KCNH7: variants seen among roughly 807,000 people sequenced by gnomAD.
KCNH7 encodes potassium voltage-gated channel subfamily H member 7.
In KCNH7, 49 loss-of-function variants were observed where a neutral mutation model predicts 120.8. That is an observed-to-expected ratio of 0.41 (90% CI 0.32 to 0.51). The LOEUF is 0.51. Among genes scored for constraint, KCNH7 ranks in the 20% least tolerant of loss-of-function variants. The probability of loss-of-function intolerance (pLI) is 0.38; values close to 1 mark genes in which losing one functional copy is unlikely to be tolerated. For synonymous variants in KCNH7, 547 were observed against 516.1 expected (o/e 1.06, Z -0.81); for missense variants, 1,097 against 1,446.6 (o/e 0.76, Z 3.92).
intron 2 of KCNH7, among the ~76,000 whole-genome samples, chr2:162,824,038 T>G (rs1025874476): frequency 6.6e-6 from 1 of 152,148 alleles, no homozygotes; most frequent in Non-Finnish European, 1.5e-5. Flanking sequence ...AAATCACGAA[T>G]GATATTATAA....
Position 162,838,647 on chromosome 2 carries a change from A to T in KCNH7, c.-129T>A. 1 of 672,464 alleles carries T rather than the reference A, an allele frequency of 1.5e-6. No homozygotes were observed. The highest frequency in any genetic ancestry group is 2.5e-6 in the Non-Finnish European group (1 of 394,988). The allele number at this position is 672,464 out of a possible 1,614,324, so 41.7% of individuals were successfully genotyped here. On this transcript the variant is annotated 5_prime_UTR_variant, in exon 1 of 16. Coordinates refer to ENST00000332142, the MANE Select transcript of KCNH7 (RefSeq NM_033272.4). ...CAGAGCATCCTCTTTTGAAACCAGA[A>T]TTCTCTTCCCATTAGCACCACTTCT...
chr2:162,574,913 C>T (rs908243530), intron 2 of KCNH7, among the ~76,000 whole-genome samples: 2 of 152,068 alleles, frequency 1.3e-5, no homozygotes, highest in Admixed American at 6.6e-5. Context: ...ACATGTATTT[C>T]AGGTGGAATG....
chr2:162,377,478 G>A (rs1186788806), intron 14 of KCNH7, among the ~76,000 whole-genome samples: 2 of 152,222 alleles, frequency 1.3e-5, no homozygotes, highest in African/African-American at 2.4e-5. Flanking sequence ...TTAAAGGAAA[G>A]ATGAGGAGGA....
At chr2:162,825,609 AG>A (rs1375786772) in intron 2 of KCNH7, among the ~76,000 whole-genome samples, 7 of 152,082 alleles carry the variant, frequency 4.6e-5, no homozygotes, top group African/African-American at 9.7e-5. Flanking sequence ...CAGGTGGTCA[AG>A]ATGGTTGAAC....
chr2:162,819,125 G>T, intron 2 of KCNH7, among the ~76,000 whole-genome samples: 1 of 152,154 alleles, frequency 6.6e-6, no homozygotes, highest in East Asian at 1.9e-4. Context: ...ACTACAGTAT[G>T]ATACTGCTTT....
chr2:162,603,648 C>T (rs1471833678), intron 2 of KCNH7, among the ~76,000 whole-genome samples: 1 of 151,916 alleles, frequency 6.6e-6, no homozygotes, highest in African/African-American at 2.4e-5. Flanking sequence ...AAGCATAGCC[C>T]AAAGAACTGG....
chr2:162,793,598 T>C (rs1245462443), intron 2 of KCNH7, among the ~76,000 whole-genome samples: 2 of 151,850 alleles, frequency 1.3e-5, no homozygotes, highest in Non-Finnish European at 2.9e-5. Flanking sequence ...CATTCATGGA[T>C]TGGAAAGTTA....
rs564171206 is a variant in KCNH7 at position 162,821,173 on chromosome 2, A to C, written c.307+15364T>G. Among the ~76,000 whole-genome samples the C allele has an allele frequency of 3.3e-4, 51 of 152,382 alleles. 1 individual carries two copies. The South Asian group carries it at 9.9e-3, about 30-fold the overall frequency. Reference sequence around the variant, plus strand: ...CCCACACTTTAACAGATTCCAAGATAAACATCCTTTACAAAGTCAAAGATA... The same window carrying C: ...CCCACACTTTAACAGATTCCAAGATCAACATCCTTTACAAAGTCAAAGATA... On this transcript the variant is annotated intron_variant, in intron 2 of 15. Transcript: ENST00000332142.
chr2:162,728,834 A>C (rs1687619980), intron 2 of KCNH7, among the ~76,000 whole-genome samples: 3 of 152,134 alleles, frequency 2.0e-5, no homozygotes, highest in African/African-American at 7.2e-5. Context: ...TATTATTTTA[A>C]AATTCATGGT....
intron 2 of KCNH7, among the ~76,000 whole-genome samples, chr2:162,558,503 C>CTTTTTTTTTT (rs71410015): frequency 1.2e-5 from 1 of 80,696 alleles, no homozygotes; most frequent in African/African-American, 4.9e-5. Flanking sequence ...TTCTCAATGG[C>CTTTTTTTTTT]TTTTTTTTTT....
At chr2:162,582,470 C>G (rs1002784276) in intron 2 of KCNH7, among the ~76,000 whole-genome samples, 2 of 152,066 alleles carry the variant, frequency 1.3e-5, no homozygotes, top group African/African-American at 4.8e-5. Flanking sequence ...TATTCCATGA[C>G]TCGGTTGAGA....
At chr2:162,515,680 C>G (rs994291000) in intron 4 of KCNH7, among the ~76,000 whole-genome samples, 4 of 151,752 alleles carry the variant, frequency 2.6e-5, no homozygotes, top group African/African-American at 9.7e-5. Flanking sequence ...GATCAAAGAT[C>G]AAATTCTAGC....
chr2:162,781,576 AG>A (rs1200553113), intron 2 of KCNH7, among the ~76,000 whole-genome samples: 2 of 152,158 alleles, frequency 1.3e-5, no homozygotes, highest in Non-Finnish European at 2.9e-5. Flanking sequence ...AAGTAGTAAC[AG>A]GGGAGACAGC....
chr2:162,465,986 C>A (rs1407643435), intron 6 of KCNH7, among the ~76,000 whole-genome samples: 1 of 152,158 alleles, frequency 6.6e-6, no homozygotes, highest in Non-Finnish European at 1.5e-5. Flanking sequence ...TGCATGGAAT[C>A]AGACTTAACA....
At chr2:162,706,355 T>C (rs1431352466) in intron 2 of KCNH7, among the ~76,000 whole-genome samples, 1 of 152,156 alleles carries the variant, frequency 6.6e-6, no homozygotes, top group Non-Finnish European at 1.5e-5. Flanking sequence ...GTGTTGTTAT[T>C]GATAATGATG....
chr2:162,752,834 G>A (rs1407685924), intron 2 of KCNH7, among the ~76,000 whole-genome samples: 1 of 149,244 alleles, frequency 6.7e-6, no homozygotes, highest in Non-Finnish European at 1.5e-5. Context: ...CCAGGAGGCA[G>A]AGGTTGCAGT....
At chr2:162,473,404 T>G (rs940027871) in intron 6 of KCNH7, among the ~76,000 whole-genome samples, 1 of 152,140 alleles carries the variant, frequency 6.6e-6, no homozygotes, top group Non-Finnish European at 1.5e-5. Flanking sequence ...ATTTAATTTG[T>G]GTCTTTAGAA....
At chr2:162,761,745 T>C (rs767787210) in intron 2 of KCNH7, among the ~76,000 whole-genome samples, 16 of 152,112 alleles carry the variant, frequency 1.1e-4, no homozygotes, top group Non-Finnish European at 1.9e-4. Context: ...TGGAAAGAAA[T>C]CTGCCTGAGT....
chr2:162,789,558 T>G (rs1247625860), intron 2 of KCNH7, among the ~76,000 whole-genome samples: 1 of 152,006 alleles, frequency 6.6e-6, no homozygotes, highest in African/African-American at 2.4e-5. Context: ...GCGGAATACA[T>G]GTTCTTCTCT....
Sources: allele counts gnomAD v4.1 joint callset (sites outside exome capture counted in the v4.1 genomes callset), GRCh38; gene constraint gnomAD v4.1.1; transcripts MANE v1.5; gene names NCBI Gene and HGNC (gene_info 2026-07-23, HGNC 2026-07-21).